ZNF326: variants seen among roughly 807,000 people sequenced by gnomAD.
ZNF326 encodes the protein DBIRD complex subunit ZNF326.
ZNF326 carries 30 observed loss-of-function variants against 63.1 expected under a neutral mutation model. That is an observed-to-expected ratio of 0.48 (90% confidence interval 0.36 to 0.64). The LOEUF is 0.64. Ranked by LOEUF, ZNF326 falls within the 30% of genes least tolerant of loss-of-function variation. The probability of loss-of-function intolerance (pLI) is 0.00; values close to 1 mark genes in which losing one functional copy is unlikely to be tolerated. For synonymous variants in ZNF326, 194 were observed against 228.2 expected (o/e 0.85, Z 1.35); for missense variants, 609 against 720.3 (o/e 0.85, Z 1.77).
In ZNF326 at chr1:90,032,796, G is replaced by C. The variant is rs572031601; in HGVS notation, c.*5095G>C. 6.6e-6 allele frequency: 1 copy of C among 152,330 alleles called. No homozygotes were observed. Among genetic ancestry groups the C allele is most frequent in the South Asian group, 2.1e-4 (1 of 4,832 alleles). The allele number at this position is 152,330 out of a possible 1,614,324, so 9.4% of individuals were successfully genotyped here. A position where few individuals can be genotyped will look rare whatever the true frequency, so the allele number is the denominator to read the frequency against. On this transcript the variant is annotated 3_prime_UTR_variant, in exon 12 of 12. Transcript: ENST00000340281. ...GTCCACAGAATTCCTCTAAGCTAAA[G>C]CTGTAACACAATTTGATGTTTGCCA...
intron 7 of ZNF326, among the ~76,000 whole-genome samples, chr1:90,015,940 ATAATGT>A (rs1649482347): frequency 6.6e-6 from 1 of 152,190 alleles, no homozygotes. Flanking sequence ...GCTGTGCCAG[ATAATGT>A]TAAAGGTATT....
rs1405959827 is a variant in ZNF326 at position 90,006,566 on chromosome 1, A to C, written c.210-779A>C. The C allele has an allele frequency of 4.2e-6, 3 of 720,718 alleles. No individual in the cohort carries two copies. In the African/African-American group the frequency reaches 5.8e-5, roughly 14 times the overall value. 44.6% of individuals were successfully genotyped at this position (720,718 alleles called of 1,614,324 possible). A position where few individuals can be genotyped will look rare whatever the true frequency, so the allele number is the denominator to read the frequency against. Reference sequence around the variant, plus strand: ...CTTTTTTAGGGTAGTTTTATGTGATAATTTCCTGAAGGAAATAATTTTGCA... The same window carrying C: ...CTTTTTTAGGGTAGTTTTATGTGATCATTTCCTGAAGGAAATAATTTTGCA... On this transcript the variant is annotated intron_variant, in intron 4 of 11. Coordinates refer to ENST00000340281, the MANE Select transcript of ZNF326 (RefSeq NM_182976.4).
intron 4 of ZNF326, 44 bp downstream of exon 4, chr1:90,005,288 G>A (rs764705631): frequency 1.3e-6 from 2 of 1,586,576 alleles, no homozygotes; most frequent in Non-Finnish European, 8.5e-7. Context: ...ACAACTATAA[G>A]ATTTTGGATA....
chr1:90,008,841 C>T (rs938334078), intron 5 of ZNF326, among the ~76,000 whole-genome samples: 3 of 152,048 alleles, frequency 2.0e-5, no homozygotes, highest in Non-Finnish European at 4.4e-5. Context: ...ACCTTTAATG[C>T]GTAATTAAGG....
chr1:90,013,092 ATTTTAGCTTT>A (rs1649330735), intron 6 of ZNF326, 24 bp from the exon 7 acceptor site: 1 of 1,558,220 alleles, frequency 6.4e-7, no homozygotes, highest in South Asian at 1.2e-5. Flanking sequence ...GGAAAAATGA[ATTTTAGCTTT>A]TACTTTTTTG....
chr1:90,025,999 C>T (rs1225895206), intron 11 of ZNF326, among the ~76,000 whole-genome samples: 1 of 150,720 alleles, frequency 6.6e-6, no homozygotes, highest in Non-Finnish European at 1.5e-5. Flanking sequence ...CAGAGTCTCG[C>T]TGTGTCGCCC....
At position 89,998,113 on chromosome 1, in the gene ZNF326, A is replaced by T; in HGVS notation, c.20A>T (p.Tyr7Phe). 1 of 1,613,022 alleles carries T rather than the reference A, an allele frequency of 6.2e-7. No homozygotes were observed. The highest frequency in any genetic ancestry group is 8.5e-7 in the Non-Finnish European group (1 of 1,179,752). Residue 7 changes from tyrosine to phenylalanine, a missense_variant, in exon 2 of 12, where the codon TAC (tyrosine) becomes TTC (phenylalanine). This residue lies in a region of ZNF326 where 97 missense variants were observed against 88.7 expected (regional missense o/e 1.09). Coordinates refer to ENST00000340281, the MANE Select transcript of ZNF326 (RefSeq NM_182976.4). Reference sequence around the variant, plus strand: ...TTTGTTAAATGTGTCTTCATAGATTACACACACTCCGCCTGCAGGAATACT... The same window carrying T: ...TTTGTTAAATGTGTCTTCATAGATTTCACACACTCCGCCTGCAGGAATACT... MDFEDD[Y>F]THSACRNTYQ... is the part of the protein sequence containing the mutation.
chr1:90,011,615 T>C lies in ZNF326; in HGVS notation c.814+1329T>C, dbSNP rs74798688. ...CACTCCATACCCACTTGGATGGTCATAATAAAAAAAGGAAAATAACAAATG... is the reference window on the plus strand; with the variant it reads ...CACTCCATACCCACTTGGATGGTCACAATAAAAAAAGGAAAATAACAAATG... On this transcript the variant is annotated intron_variant, in intron 6 of 11. Coordinates refer to ENST00000340281, the MANE Select transcript of ZNF326 (RefSeq NM_182976.4). Among the ~76,000 whole-genome samples, 988 of 148,406 alleles carry C rather than the reference T, an allele frequency of 6.7e-3. 9 individuals are homozygous for C. Among genetic ancestry groups the C allele is most frequent in the African/African-American group, 0.023 (934 of 40,326 alleles).
In ZNF326 at chr1:90,030,295, A is replaced by T. The variant is rs1386351278; in HGVS notation, c.*2594A>T. The T allele has an allele frequency of 2.6e-5, 4 of 152,138 alleles. No homozygotes were observed. The East Asian group carries it at 5.8e-4, about 22-fold the overall frequency. 9.4% of individuals were successfully genotyped at this position (152,138 alleles called of 1,614,324 possible). On this transcript the variant is annotated 3_prime_UTR_variant, in exon 12 of 12. Coordinates refer to ENST00000340281, the MANE Select transcript of ZNF326 (RefSeq NM_182976.4). ...CATGATAGATTCAGTTTTCTACACA[A>T]GTATAAGCTTTTAAAAATGTAATTC...
chr1:90,023,198 T>C (rs899691275), intron 11 of ZNF326, among the ~76,000 whole-genome samples: 4 of 152,222 alleles, frequency 2.6e-5, no homozygotes, highest in Admixed American at 2.0e-4. Context: ...ACTTCTCTTA[T>C]AATACCCAGA....
At chr1:90,023,476 C>T (rs762290662) in intron 11 of ZNF326, among the ~76,000 whole-genome samples, 16 of 152,184 alleles carry the variant, frequency 1.1e-4, no homozygotes, top group South Asian at 2.1e-4. Flanking sequence ...TCTTGCAGCT[C>T]GTTCCTTAGG....
chr1:90,014,912 A>G (rs1649428305), intron 7 of ZNF326, among the ~76,000 whole-genome samples: 1 of 152,136 alleles, frequency 6.6e-6, no homozygotes, highest in Non-Finnish European at 1.5e-5. Context: ...TTTAAATTTA[A>G]TTGCCCTATG....
At chr1:89,998,925 A>G (rs1420034770) in intron 2 of ZNF326, among the ~76,000 whole-genome samples, 1 of 152,236 alleles carries the variant, frequency 6.6e-6, no homozygotes, top group African/African-American at 2.4e-5. Flanking sequence ...ACTAAAGACT[A>G]TGCCATTTAT....
rs369992456 is a variant in ZNF326 at position 90,007,665 on chromosome 1, C to T, written c.530C>T (p.Thr177Met). The T allele has an allele frequency of 1.2e-5, 18 of 1,527,228 alleles. No homozygotes were observed. Among genetic ancestry groups the T allele is most frequent in the African/African-American group, 7.0e-5 (5 of 71,818 alleles). The allele number at this position is 1,527,228 out of a possible 1,614,324, so 94.6% of individuals were successfully genotyped here. The change falls in exon 5 of 12, where the codon ACG (threonine) becomes ATG (methionine). Residue 177 changes from threonine (T) to methionine (M), a missense_variant. This residue lies in a region of ZNF326 where 113 missense variants were observed against 187.4 expected (regional missense o/e 0.60). Transcript: ENST00000340281. This position sits in a 1 kb window ranked among gnomAD's most constrained non-coding sequence, Gnocchi z 4.9. ...CCTGTAGGCTCTCGGGGGAGAGGAACGCCTGCTTATCCTGAAAGTACGTTT... is the reference window on the plus strand; with the variant it reads ...CCTGTAGGCTCTCGGGGGAGAGGAATGCCTGCTTATCCTGAAAGTACGTTT... ...PAPVGSRGRG[T>M]PAYPESTFGS...
intron 1 of ZNF326, among the ~76,000 whole-genome samples, chr1:89,995,749 TTC>T (rs1648331808): frequency 6.6e-6 from 1 of 152,248 alleles, no homozygotes; most frequent in Non-Finnish European, 1.5e-5. Context: ...ACAGTGATGT[TTC>T]TGTTTGTCCC....
At position 90,007,467 on chromosome 1, in the gene ZNF326, T is replaced by C. The variant is rs1440243778; in HGVS notation, c.332T>C (p.Phe111Ser). The C allele has an allele frequency of 1.2e-6, 2 of 1,613,958 alleles. No homozygotes were observed. The highest frequency in any genetic ancestry group is 4.5e-5 in the East Asian group (2 of 44,894). ...SRFGGSYGGRFESSYRNSLDS... is the reference protein window; with the variant it reads ...SRFGGSYGGRSESSYRNSLDS... ...TTCGGAGGTAGTTATGGTGGTCGATTTGAGAGCTCCTACCGGAATAGCCTT... is the reference window on the plus strand; with the variant it reads ...TTCGGAGGTAGTTATGGTGGTCGATCTGAGAGCTCCTACCGGAATAGCCTT... The change falls in exon 5 of 12, where the codon TTT becomes TCT. Residue 111 changes from phenylalanine (F) to serine (S), a missense_variant. Transcript: ENST00000340281. The surrounding 1 kb of genome is among the most constrained non-coding windows in gnomAD (Gnocchi z 4.9).
chr1:90,025,647 G>A (rs1371194051), intron 11 of ZNF326, among the ~76,000 whole-genome samples: 1 of 152,056 alleles, frequency 6.6e-6, no homozygotes, highest in Admixed American at 6.6e-5. Flanking sequence ...ATACATTCTT[G>A]GACAACTGCT....
In ZNF326 at chr1:90,005,012, G is replaced by T. The variant is rs1030290951; in HGVS notation, c.71G>T (p.Arg24Leu). 6.2e-7 allele frequency: 1 copy of T among 1,613,858 alleles called. No individual in the cohort carries two copies. The highest frequency in any genetic ancestry group is 1.3e-5 in the African/African-American group (1 of 74,992). The change falls in exon 3 of 12, where the codon CGT becomes CTT. Residue 24 changes from arginine (R) to leucine (L), a missense_variant. Physicochemically the swap from Arg to Leu is moderately radical, Grantham distance 102. This residue lies in a region of ZNF326 where 97 missense variants were observed against 88.7 expected (regional missense o/e 1.09). Transcript: ENST00000340281. ...NTYQGFNGMD[R>L]DYGPGSYGGM... ...ATTGACTCTCTTTTAGGAATGGATCGTGATTATGGCCCTGGATCTTATGGA... is the reference window on the plus strand; with the variant it reads ...ATTGACTCTCTTTTAGGAATGGATCTTGATTATGGCCCTGGATCTTATGGA...
intron 2 of ZNF326, among the ~76,000 whole-genome samples, chr1:90,000,225 C>T (rs568402764): frequency 1.3e-5 from 2 of 152,092 alleles, no homozygotes; most frequent in African/African-American, 4.8e-5. Flanking sequence ...ACCAAAAAGC[C>T]AAAAATATAT....
Sources: gnomAD v4.1 joint callset for allele counts (sites outside exome capture counted in the v4.1 genomes callset) on GRCh38, gnomAD v4.1.1 for gene constraint, gnomAD v4.1.1 regional missense constraint, Gnocchi (gnomAD v3.1) non-coding constraint, MANE v1.5 for transcripts, NCBI Gene and HGNC (gene_info 2026-07-23, HGNC 2026-07-21) for gene names.